The following SPTBN5 variants were observed in gnomAD, a reference collection of about 807,000 sequenced individuals.
The protein encoded by SPTBN5 is spectrin beta chain, non-erythrocytic 5.
In SPTBN5, 513 loss-of-function variants were observed where a neutral mutation model predicts 477.6. That is an observed-to-expected ratio of 1.07 (90% confidence interval 1.00 to 1.16). The LOEUF is 1.16. Ranked by LOEUF, SPTBN5 falls within the 50% of genes most tolerant of loss-of-function variation. The pLI, the probability that SPTBN5 is intolerant of heterozygous loss-of-function variation, is 0.00. For synonymous variants in SPTBN5, 2,169 were observed against 2,011.7 expected, an observed-to-expected ratio of 1.08 and a Z score of -2.09; for missense variants, 5,062 against 4,731.8, an observed-to-expected ratio of 1.07 and a Z score of -2.05.
chr15:41,889,154 T>A (rs761826737), intron 4 of SPTBN5, among the ~76,000 whole-genome samples: 3 of 152,178 alleles, frequency 2.0e-5, no homozygotes, highest in African/African-American at 7.2e-5. Context: ...GAGGTGAGTA[T>A]GGCTTCCTGA....
rs1336966997 is a variant in SPTBN5 at position 41,867,651 on chromosome 15, A to G, written c.6208-9T>C. The G allele has an allele frequency of 5.0e-6, 8 of 1,612,404 alleles. No individual in the cohort carries two copies. The highest frequency in any genetic ancestry group is 1.3e-5 in the African/African-American group (1 of 74,832). On this transcript the variant is annotated splice_polypyrimidine_tract_variant and intron_variant, in intron 34 of 67. Coordinates refer to ENST00000320955, the MANE Select transcript of SPTBN5 (RefSeq NM_016642.4). Reference sequence around the variant, plus strand: ...CTGGTTTTCAGGGAGACCTGGATCCACAGAAAAGTCAGAGGCCACCAAGCC... The same window carrying G: ...CTGGTTTTCAGGGAGACCTGGATCCGCAGAAAAGTCAGAGGCCACCAAGCC...
At chr15:41,870,740 T>C (rs1369257562) in intron 29 of SPTBN5, among the ~76,000 whole-genome samples, 180 bp from the exon 30 acceptor site, 1 of 152,242 alleles carries the variant, frequency 6.6e-6, no homozygotes, top group Non-Finnish European at 1.5e-5. Context: ...CCTGGGAGCC[T>C]GTCTTCTAGC....
rs568319159 is a variant in SPTBN5, at chr15:41,858,469, G to A, written c.8226+133C>T. ...ACACTTCTGCCTAAACAACCGCTTA[G>A]CCAGGTGCCTGCATGCAGAAAGTAC... On this transcript the variant is annotated intron_variant, in intron 49 of 67. Coordinates refer to ENST00000320955, the MANE Select transcript of SPTBN5 (RefSeq NM_016642.4). 150 of 1,175,534 alleles carry A rather than the reference G, an allele frequency of 1.3e-4. No individual in the cohort carries two copies. In the African/African-American group the frequency reaches 2.0e-3, roughly 16 times the overall value. The allele number at this position is 1,175,534 out of a possible 1,614,324, so 72.8% of individuals were successfully genotyped here.
intron 26 of SPTBN5, among the ~76,000 whole-genome samples, chr15:41,872,679 C>T (rs2066587582): frequency 6.6e-6 from 1 of 152,156 alleles, no homozygotes; most frequent in Non-Finnish European, 1.5e-5. Context: ...TGGTCTGTGC[C>T]CACTGAGGGC....
At position 41,851,837 on chromosome 15, in the gene SPTBN5, G is replaced by C. The variant is rs377611476; in HGVS notation, c.10598C>G (p.Thr3533Ser). The change falls in exon 63 of 68, where the codon ACC becomes AGC. Residue 3533 changes from threonine (T) to serine (S), a missense_variant. Coordinates refer to ENST00000320955, the MANE Select transcript of SPTBN5 (RefSeq NM_016642.4). Reference sequence around the variant, plus strand: ...CTCCAAAGACCCCTCCATGGTGGGGGTACCCTTTGCATCCTGAAAATGCAA... The same window carrying C: ...CTCCAAAGACCCCTCCATGGTGGGGCTACCCTTTGCATCCTGAAAATGCAA... The part of the protein sequence containing the change: ...ETRDPQDAKG[T>S]PTMEGSLEFK... 3 of 1,609,614 alleles carry C rather than the reference G, an allele frequency of 1.9e-6. No homozygotes were observed. In the African/African-American group the frequency reaches 4.0e-5, roughly 22 times the overall value.
rs1595496887 is a variant in SPTBN5 at position 41,878,752 on chromosome 15, A to C, written c.3183-123T>G. 1.8e-5 allele frequency: 20 copies of C among 1,106,862 alleles called. No individual in the cohort carries two copies. The East Asian group carries it at 5.0e-4, about 27-fold the overall frequency. The allele number at this position is 1,106,862 out of a possible 1,614,324, so 68.6% of individuals were successfully genotyped here. A position where few individuals can be genotyped will look rare whatever the true frequency, so the allele number is the denominator to read the frequency against. On this transcript the variant is annotated intron_variant, in intron 16 of 67. Coordinates refer to ENST00000320955, the MANE Select transcript of SPTBN5 (RefSeq NM_016642.4). ...GGTGCTGACTCTCAATGCCCACCCC[A>C]CCCTTGACCTGGGGGCAGCAAGAAC...
chr15:41,874,820 T>G (rs753280502), intron 23 of SPTBN5, 22 bp downstream of exon 23: 2 of 1,588,270 alleles, frequency 1.3e-6, no homozygotes, highest in Non-Finnish European at 1.7e-6. Flanking sequence ...GACACACAGG[T>G]GGGTGGGAGG....
chr15:41,874,030 C>G lies in SPTBN5; in HGVS notation c.4705G>C (p.Val1569Leu). 2 of 1,596,706 alleles carry G rather than the reference C, an allele frequency of 1.3e-6. No homozygotes were observed. Among genetic ancestry groups the G allele is most frequent in the South Asian group, 1.1e-5 (1 of 90,570 alleles). ...HRKHKELQVEVKAHQGQVQRV... is the reference protein window; with the variant it reads ...HRKHKELQVELKAHQGQVQRV... The stretch of plus-strand genomic sequence containing the variant: ...TGCACCTGCCCCTGGTGAGCTTTTA[C>G]CTCCACCTGGAGCTCCTGCCACAGA... Residue 1569 changes from valine (V) to leucine (L), a missense_variant, in exon 25 of 68, where the codon GTA (valine) becomes CTA (leucine). Physicochemically the swap from Val to Leu is conservative, Grantham distance 32 (BLOSUM62 1). Transcript: ENST00000320955.
chr15:41,877,062 A>G, intron 18 of SPTBN5, 54 bp downstream of exon 18: 16 of 1,606,920 alleles, frequency 1.0e-5, no homozygotes, highest in Non-Finnish European at 1.4e-5. Context: ...CAAGGGGATG[A>G]GCTCCCTCCA....
rs766729305 is a variant in SPTBN5, at chr15:41,866,373, G to C, written c.6601C>G (p.His2201Asp). 1.3e-5 allele frequency: 21 copies of C among 1,609,624 alleles called. No individual in the cohort carries two copies. Among genetic ancestry groups the C allele is most frequent in the Non-Finnish European group, 1.7e-5 (20 of 1,177,772 alleles). ...HQAFEAEVQA[H>D]EEVMTSVAKK... is the part of the protein sequence containing the mutation. ...GCAACAGAGGTCATGACCTCCTCAT[G>C]GGCCTGGACTTCAGCCTCAAAGGCC... The change falls in exon 37 of 68, where the codon CAT becomes GAT. Residue 2201 changes from histidine to aspartate, a missense_variant. Physicochemically the swap from His to Asp is moderately conservative, Grantham distance 81. Coordinates refer to ENST00000320955, the MANE Select transcript of SPTBN5 (RefSeq NM_016642.4).
At position 41,857,590 on chromosome 15, in the gene SPTBN5, G is replaced by A. The variant is rs766354976; in HGVS notation, c.8347C>T (p.Leu2783Phe). The A allele has an allele frequency of 5.6e-6, 9 of 1,609,276 alleles. No individual in the cohort carries two copies. The highest frequency in any genetic ancestry group is 6.8e-6 in the Non-Finnish European group (8 of 1,178,008). ...AACCTCACCTCACAGGCCTTCTGGA[G>A]CTTGGCCACCTTCTTCTGGGAGTTG... is the stretch of plus-strand genomic sequence containing the variant. ...QDNSQKKVAK[L>F]QKACEALRLR... Residue 2783 changes from leucine (L) to phenylalanine (F), a missense_variant, in exon 50 of 68, where the codon CTC becomes TTC. Physicochemically the swap from Leu to Phe is conservative, Grantham distance 22. Coordinates refer to ENST00000320955, the MANE Select transcript of SPTBN5 (RefSeq NM_016642.4).
chr15:41,883,101 G>C lies in SPTBN5; in HGVS notation c.1787C>G (p.Thr596Arg). Residue 596 changes from threonine (T) to arginine (R), a missense_variant, in exon 9 of 68, where the codon ACA becomes AGA. Physicochemically the swap from Thr to Arg is moderately conservative, Grantham distance 71. Transcript: ENST00000320955. ...GAHVSHLAQQ[T>R]AELDSSLGTS... ...GCCCAGGGAGGAGTCCAGCTCTGCT[G>C]TCTGCTGAGCAAGATGGCTCACATG... 1 of 1,609,514 alleles carries C rather than the reference G, an allele frequency of 6.2e-7. No individual in the cohort carries two copies. Among genetic ancestry groups the C allele is most frequent in the Non-Finnish European group, 8.5e-7 (1 of 1,178,324 alleles).
chr15:41,872,906 C>G (rs1213242773), intron 26 of SPTBN5, among the ~76,000 whole-genome samples: 1 of 152,200 alleles, frequency 6.6e-6, no homozygotes, highest in African/African-American at 2.4e-5. Context: ...CACACTGGAA[C>G]TGGGGCTGTG....
chr15:41,880,216 G>A lies in SPTBN5; in HGVS notation c.2755C>T (p.Leu919Phe). The A allele has an allele frequency of 3.7e-6, 6 of 1,604,290 alleles. No homozygotes were observed. Among genetic ancestry groups the A allele is most frequent in the Non-Finnish European group, 5.1e-6 (6 of 1,176,192 alleles). The change falls in exon 14 of 68, where the codon CTC becomes TTC. Residue 919 changes from leucine (L) to phenylalanine (F), a missense_variant. Physicochemically the swap from Leu to Phe is conservative, Grantham distance 22. Coordinates refer to ENST00000320955, the MANE Select transcript of SPTBN5 (RefSeq NM_016642.4). ...TCAGCCTGGGGCTGCACCCTTTGGA[G>A]CAGCACTGTCTGCTTCTCCAGCCAC... ...QLWLEKQTVL[L>F]QRVQPQADTL...
chr15:41,859,312 C>T (rs2066024235), intron 47 of SPTBN5, among the ~76,000 whole-genome samples: 1 of 152,116 alleles, frequency 6.6e-6, no homozygotes, highest in Non-Finnish European at 1.5e-5. Flanking sequence ...GCTCACACCT[C>T]CAGGCCCAGC....
chr15:41,860,762 G>A lies in SPTBN5; in HGVS notation c.7816-4C>T, dbSNP rs1157850049. On this transcript the variant is annotated splice_polypyrimidine_tract_variant and splice_region_variant and intron_variant, in intron 46 of 67. Transcript: ENST00000320955. ...GCTCCATGGGGGCCAAGGGGTCCTG[G>A]TGGGAGTGGGGAACCCAATACTGTC... The A allele has an allele frequency of 6.4e-7, 1 of 1,573,382 alleles. No homozygotes were observed. Among genetic ancestry groups the A allele is most frequent in the Admixed American group, 1.8e-5 (1 of 55,014 alleles).
Position 41,854,858 on chromosome 15 carries a change from G to A in SPTBN5, c.9542C>T (p.Pro3181Leu), listed in dbSNP as rs1478025032. The change falls in exon 56 of 68, where the codon CCC becomes CTC. Residue 3181 changes from proline (P) to leucine (L), a missense_variant. Transcript: ENST00000320955. ...TLERGAPRRY[P>L]HIQAQRSRIE... is the part of the protein sequence containing the mutation. Reference sequence around the variant, plus strand: ...GCGGCTCCTCTGGGCTTGGATGTGGGGATAGCGCCTGGGTGCACCCCGCTC... The same window carrying A: ...GCGGCTCCTCTGGGCTTGGATGTGGAGATAGCGCCTGGGTGCACCCCGCTC... 2.5e-6 allele frequency: 4 copies of A among 1,608,894 alleles called. No individual in the cohort carries two copies. Among genetic ancestry groups the A allele is most frequent in the Admixed American group, 3.4e-5 (2 of 59,470 alleles).
In SPTBN5 at chr15:41,854,770, G is replaced by C. The variant is rs1374689341; in HGVS notation, c.9618+12C>G. On this transcript the variant is annotated intron_variant, in intron 56 of 67. Coordinates refer to ENST00000320955, the MANE Select transcript of SPTBN5 (RefSeq NM_016642.4). ...GACACCCCTTAGCTTGGCCCGGCCT[G>C]TGATCACCTACCTCTGTGCGGGCTT... 2 of 1,503,506 alleles carry C rather than the reference G, an allele frequency of 1.3e-6. No individual in the cohort carries two copies. Among genetic ancestry groups the C allele is most frequent in the Non-Finnish European group, 1.8e-6 (2 of 1,123,912 alleles). 93.1% of individuals were successfully genotyped at this position (1,503,506 alleles called of 1,614,324 possible). A position where few individuals can be genotyped will look rare whatever the true frequency, so the allele number is the denominator to read the frequency against.
Position 41,849,979 on chromosome 15 carries a change from C to T in SPTBN5, c.10922-20G>A, listed in dbSNP as rs749169205. ...TCTGGGCTGCAGAGCAAGGGAATAA[C>T]CACTGTTAGCCCGGCCCAGACCATC... On this transcript the variant is annotated intron_variant, in intron 66 of 67. Coordinates refer to ENST00000320955, the MANE Select transcript of SPTBN5 (RefSeq NM_016642.4). The T allele has an allele frequency of 1.9e-5, 29 of 1,560,238 alleles. No individual in the cohort carries two copies. The highest frequency in any genetic ancestry group is 2.5e-5 in the Non-Finnish European group (29 of 1,149,296).
Sources: gnomAD v4.1 joint callset for allele counts (sites outside exome capture counted in the v4.1 genomes callset) on GRCh38, gnomAD v4.1.1 for gene constraint, MANE v1.5 for transcripts, NCBI Gene and HGNC (gene_info 2026-07-23, HGNC 2026-07-21) for gene names.